Variants in ADGRL3 observed in about 807,000 individuals in gnomAD.
ADGRL3 encodes calcium-independent alpha-latrotoxin receptor 3.
In ADGRL3, 62 loss-of-function variants were observed where a neutral mutation model predicts 153.5. The observed-to-expected ratio is 0.40, with a 90% confidence interval of 0.33 to 0.50. The LOEUF (loss-of-function observed/expected upper bound fraction) is 0.50. Among genes scored for constraint, ADGRL3 ranks in the 20% least tolerant of loss-of-function variants. ADGRL3 has a pLI of 0.47. For missense variants in ADGRL3, 1,641 were observed against 1,859.4 expected (o/e 0.88, Z 2.16); for synonymous variants, 710 against 672.5 (o/e 1.06, Z -0.86).
At chr4:61,647,507 G>A (rs2094069775) in intron 5 of ADGRL3, among the ~76,000 whole-genome samples, 1 of 151,998 alleles carries the variant, frequency 6.6e-6, no homozygotes, top group African/African-American at 2.4e-5. Flanking sequence ...TCTCATTGAT[G>A]GTTTGTACGT....
chr4:61,602,676 G>T (rs979665508), intron 5 of ADGRL3, among the ~76,000 whole-genome samples: 5 of 152,106 alleles, frequency 3.3e-5, no homozygotes, highest in African/African-American at 1.2e-4. Flanking sequence ...TCAGTCTGCA[G>T]GTTCTTGACA....
chr4:62,019,483 G>A (rs931541570), intron 21 of ADGRL3, among the ~76,000 whole-genome samples: 2 of 151,900 alleles, frequency 1.3e-5, no homozygotes, highest in African/African-American at 2.4e-5. Flanking sequence ...ATTTTGTGAT[G>A]TAGCTTTTTA....
At chr4:61,327,209 G>C (rs1048229853) in intron 1 of ADGRL3, among the ~76,000 whole-genome samples, 16 of 151,802 alleles carry the variant, frequency 1.1e-4, no homozygotes, top group Non-Finnish European at 2.1e-4. Flanking sequence ...AATGCTGTAT[G>C]TTAAATGTAT....
chr4:61,756,117 C>A (rs1174711094), intron 8 of ADGRL3, among the ~76,000 whole-genome samples: 1 of 152,136 alleles, frequency 6.6e-6, no homozygotes, highest in Non-Finnish European at 1.5e-5. Flanking sequence ...TTTTTGGTTC[C>A]ATATGAACTT....
At chr4:61,219,192 A>G (rs1368854416) in intron 1 of ADGRL3, among the ~76,000 whole-genome samples, 4 of 152,274 alleles carry the variant, frequency 2.6e-5, no homozygotes, top group Middle Eastern at 3.4e-3. Context: ...TTAGATTATA[A>G]GGATATGGAG....
At chr4:61,236,501 T>C (rs1292515414) in intron 1 of ADGRL3, among the ~76,000 whole-genome samples, 1 of 152,178 alleles carries the variant, frequency 6.6e-6, no homozygotes, top group Non-Finnish European at 1.5e-5. Context: ...GAAATACTCT[T>C]TACTACATAT....
At chr4:61,562,300 G>C (rs1579546818) in intron 4 of ADGRL3, among the ~76,000 whole-genome samples, 1 of 152,088 alleles carries the variant, frequency 6.6e-6, no homozygotes, top group South Asian at 2.1e-4. Flanking sequence ...GATTAATCAG[G>C]GTGGTGGTGA....
At chr4:61,754,398 A>G (rs1580644622) in intron 8 of ADGRL3, among the ~76,000 whole-genome samples, 2 of 152,006 alleles carry the variant, frequency 1.3e-5, no homozygotes, top group Non-Finnish European at 1.5e-5. Flanking sequence ...GTTGTAAGGT[A>G]TAGACAGCTT....
chr4:61,668,921 A>G (rs2094898105), intron 5 of ADGRL3, among the ~76,000 whole-genome samples: 1 of 152,086 alleles, frequency 6.6e-6, no homozygotes, highest in African/African-American at 2.4e-5. Flanking sequence ...CGGGAGGCTG[A>G]AGTAAGAGGA....
chr4:61,893,051 C>A, intron 10 of ADGRL3, 93 bp downstream of exon 10: 1 of 668,578 alleles, frequency 1.5e-6, no homozygotes, highest in Non-Finnish European at 2.2e-6. Flanking sequence ...CCTTTCCTCC[C>A]TCCCTCCCTT....
chr4:61,723,558 C>G (rs933541670), intron 6 of ADGRL3, among the ~76,000 whole-genome samples: 10 of 152,038 alleles, frequency 6.6e-5, no homozygotes, highest in African/African-American at 2.4e-4. Flanking sequence ...TTGGTTTTAC[C>G]AGGTGTGTCA....
At chr4:61,662,818 T>G (rs1389989225) in intron 5 of ADGRL3, among the ~76,000 whole-genome samples, 1 of 152,180 alleles carries the variant, frequency 6.6e-6, no homozygotes, top group African/African-American at 2.4e-5. Flanking sequence ...CAGCCTGACT[T>G]GGGCAGACGA....
intron 9 of ADGRL3, among the ~76,000 whole-genome samples, chr4:61,833,954 GCTT>G (rs1257085398): frequency 5.6e-5 from 8 of 143,696 alleles, no homozygotes; most frequent in Admixed American, 2.1e-4. Flanking sequence ...TGCAAAGGCA[GCTT>G]CTTTTTTTTT....
chr4:61,990,952 CTGTG>C (rs34294452), intron 19 of ADGRL3, among the ~76,000 whole-genome samples: 9,853 of 142,240 alleles, frequency 0.069, 580 homozygotes, highest in East Asian at 0.34. Flanking sequence ...ATGTTTGAAA[CTGTG>C]TGTGTGTGTG....
At chr4:61,368,353 G>C (rs918965316) in intron 1 of ADGRL3, among the ~76,000 whole-genome samples, 31 of 152,198 alleles carry the variant, frequency 2.0e-4, no homozygotes, top group African/African-American at 6.3e-4. Context: ...GGGTTTTTAT[G>C]GTTTTAGGTT....
chr4:61,222,517 A>T (rs575507022), intron 1 of ADGRL3, among the ~76,000 whole-genome samples: 60 of 152,276 alleles, frequency 3.9e-4, no homozygotes, highest in Admixed American at 2.0e-3. Flanking sequence ...CTTCCTAGAA[A>T]ATGTTGCATA....
At chr4:61,637,868 A>G (rs2093494288) in intron 5 of ADGRL3, among the ~76,000 whole-genome samples, 1 of 152,220 alleles carries the variant, frequency 6.6e-6, no homozygotes, top group South Asian at 2.1e-4. Flanking sequence ...AACAAAATAC[A>G]GATTGTCTGA....
chr4:61,555,544 T>C (rs566433598), intron 4 of ADGRL3, among the ~76,000 whole-genome samples: 2 of 152,224 alleles, frequency 1.3e-5, no homozygotes, highest in African/African-American at 2.4e-5. Flanking sequence ...TGGGGATAAG[T>C]AACAGACAAA....
At chr4:61,580,725 T>TC (rs2098921231) in intron 4 of ADGRL3, among the ~76,000 whole-genome samples, 1 of 152,034 alleles carries the variant, frequency 6.6e-6, no homozygotes, top group Admixed American at 6.6e-5. Flanking sequence ...CATCCGAAGT[T>TC]CATCCTGGGT....
Sources: gnomAD v4.1 joint callset for allele counts (sites outside exome capture counted in the v4.1 genomes callset) on GRCh38, gnomAD v4.1.1 for gene constraint, MANE v1.5 for transcripts, NCBI Gene and HGNC (gene_info 2026-07-23, HGNC 2026-07-21) for gene names.